RBFOX3: variants seen among roughly 807,000 people sequenced by gnomAD.
RBFOX3 encodes the protein RNA binding protein fox-1 homolog 3.
A neutral mutation model predicts 48.7 loss-of-function variants in RBFOX3; 17 were observed. The observed-to-expected ratio is 0.35, with a 90% CI of 0.24 to 0.52. RBFOX3 has a LOEUF of 0.52. RBFOX3 is among the 20% of genes least tolerant of loss of function. The pLI is 0.94. For missense variants in RBFOX3, 382 were observed against 497.5 expected (o/e 0.77, Z 2.21); for synonymous variants, 212 against 209.5 (o/e 1.01, Z -0.10).
intron 3 of RBFOX3, among the ~76,000 whole-genome samples, chr17:79,247,000 T>C (rs781443483): frequency 5.3e-5 from 8 of 152,202 alleles, no homozygotes; most frequent in Non-Finnish European, 1.0e-4. Flanking sequence ...AATTTAGACA[T>C]GTCCTTTCTC....
chr17:79,168,232 G>C (rs2048423848), intron 4 of RBFOX3, among the ~76,000 whole-genome samples: 1 of 152,192 alleles, frequency 6.6e-6, no homozygotes, highest in South Asian at 2.1e-4. Flanking sequence ...GCTTGCCATG[G>C]GTGGGTCCCC....
the RBFOX3 span, among the ~76,000 whole-genome samples, chr17:79,626,566 G>C: frequency 2.0e-5 from 3 of 152,152 alleles, no homozygotes; most frequent in Non-Finnish European, 4.4e-5. Context: ...CAGGATTCTC[G>C]ATATTCAGCT....
At chr17:79,130,984 C>G (rs1405178948) in intron 4 of RBFOX3, among the ~76,000 whole-genome samples, 2 of 152,042 alleles carry the variant, frequency 1.3e-5, no homozygotes, top group African/African-American at 4.8e-5. Flanking sequence ...TGCGTGTGCC[C>G]CATGTGTACT....
intron 4 of RBFOX3, 119 bp downstream of exon 4, chr17:79,235,647 C>T (rs1335168630): frequency 6.5e-6 from 1 of 153,608 alleles, no homozygotes; most frequent in Non-Finnish European, 1.5e-5. Context: ...ACTCTTCCTC[C>T]CTCCAGTGGC....
chr17:79,343,252 G>A (rs1301952689), intron 2 of RBFOX3, among the ~76,000 whole-genome samples: 3 of 152,100 alleles, frequency 2.0e-5, no homozygotes, highest in Non-Finnish European at 4.4e-5. Context: ...AGGGCCAGGC[G>A]AGGTAACTCA....
At position 79,569,246 on chromosome 17, in the gene RBFOX3, T is replaced by TC. The variant is rs1443365540; in HGVS notation, c.-320+41579dup. Among the ~76,000 whole-genome samples the TC allele has an allele frequency of 3.0e-4, 45 of 151,938 alleles. 1 individual carries two copies. In the Middle Eastern group the frequency reaches 0.017, roughly 57 times the overall value. On this transcript the variant is annotated intron_variant, in intron 1 of 14. Transcript: ENST00000693108. ...TTCCTATTAAACAATAGCTCCCCAC[T>TC]CCCCCCAAGCCCTGGCAACCACTCG...
chr17:79,557,454 T>C (rs2091865554), intron 1 of RBFOX3, among the ~76,000 whole-genome samples: 1 of 142,844 alleles, frequency 7.0e-6, no homozygotes, highest in East Asian at 2.3e-4. Context: ...CAAGCCCCCA[T>C]CCCACAGCTG....
At chr17:79,522,929 CAAAAAAAAAAAAAAA>C (rs34245309) in intron 1 of RBFOX3, among the ~76,000 whole-genome samples, 2 of 31,976 alleles carry the variant, frequency 6.3e-5, no homozygotes, top group Non-Finnish European at 1.7e-4. Flanking sequence ...GACTCCGTCT[CAAAAAAAAAAAAAAA>C]AAAAAAAAAA....
rs906040447 is a variant in RBFOX3 at position 79,363,685 on chromosome 17, G to A, written c.-174-55861C>T. Among the ~76,000 whole-genome samples, 8 of 151,826 alleles carry A rather than the reference G, an allele frequency of 5.3e-5. No homozygotes were observed. Among genetic ancestry groups the A allele is most frequent in the Non-Finnish European group, 8.8e-5 (6 of 67,966 alleles). On this transcript the variant is annotated intron_variant, in intron 2 of 14. Coordinates refer to ENST00000693108, the MANE Select transcript of RBFOX3 (RefSeq NM_001350451.2). This position sits in a 1 kb window ranked among gnomAD's most constrained non-coding sequence, Gnocchi z 4.7. ...ATGCCAGTATCCAGGCCACCAGCAG[G>A]TGTTTCAGGGACCTCCGACACGCCT...
intron 3 of RBFOX3, among the ~76,000 whole-genome samples, chr17:79,245,163 C>G (rs1219310448): frequency 6.6e-6 from 1 of 151,958 alleles, no homozygotes; most frequent in Non-Finnish European, 1.5e-5. Flanking sequence ...AACTCCGCCT[C>G]TCAGGCTCAA....
intron 4 of RBFOX3, among the ~76,000 whole-genome samples, chr17:79,183,744 AG>A (rs944350027): frequency 2.0e-5 from 3 of 152,054 alleles, no homozygotes; most frequent in Non-Finnish European, 4.4e-5. Context: ...TAGCGGTGGG[AG>A]GGGGAGTCCC....
chr17:79,153,073 C>A (rs1263475195), intron 4 of RBFOX3, among the ~76,000 whole-genome samples: 9 of 152,204 alleles, frequency 5.9e-5, no homozygotes, highest in African/African-American at 1.9e-4. Flanking sequence ...TTTCCTCTGT[C>A]CCCGTCCTGC....
At chr17:79,359,510 C>T (rs1270427488) in intron 2 of RBFOX3, among the ~76,000 whole-genome samples, 3 of 152,196 alleles carry the variant, frequency 2.0e-5, no homozygotes, top group African/African-American at 7.2e-5. Context: ...AGGAAGGGCA[C>T]GGCACCTGCC....
At chr17:79,149,269 G>C (rs1051923164) in intron 4 of RBFOX3, among the ~76,000 whole-genome samples, 1 of 152,214 alleles carries the variant, frequency 6.6e-6, no homozygotes, top group Admixed American at 6.5e-5. Context: ...TTAGTAGAGC[G>C]TGGGAGGCAG....
At chr17:79,377,416 T>G (rs1009224676) in intron 2 of RBFOX3, among the ~76,000 whole-genome samples, 1 of 151,914 alleles carries the variant, frequency 6.6e-6, no homozygotes, top group African/African-American at 2.4e-5. Flanking sequence ...CACACAGACA[T>G]GCACACCCAC....
intron 4 of RBFOX3, among the ~76,000 whole-genome samples, chr17:79,169,480 C>CACCCAGG (rs756862530): frequency 8.5e-4 from 129 of 152,316 alleles, no homozygotes; most frequent in Admixed American, 1.5e-3. Flanking sequence ...TCACACACCC[C>CACCCAGG]ACCCAGGACC....
rs1055052003 is a variant in RBFOX3 at position 79,274,452 on chromosome 17, T to C, written c.-74+33272A>G. ...AAACCAAGGTGTCGCAGCTCTTCTC[T>C]GCACTCAGGCGCGAGGGAACTCCTT... is the stretch of plus-strand genomic sequence containing the variant. On this transcript the variant is annotated intron_variant, in intron 3 of 14. Transcript: ENST00000693108. 1.1e-4 allele frequency among the ~76,000 whole-genome samples: 17 copies of C among 152,340 alleles called. No individual in the cohort carries two copies. The South Asian group carries it at 2.3e-3, about 20-fold the overall frequency.
chr17:79,237,354 A>C (rs895508748), intron 3 of RBFOX3, among the ~76,000 whole-genome samples: 2 of 152,318 alleles, frequency 1.3e-5, no homozygotes, highest in Non-Finnish European at 2.9e-5. Flanking sequence ...ACATTGCTTC[A>C]TTCAGCCCTC....
chr17:79,524,924 T>C (rs893629394), intron 1 of RBFOX3, among the ~76,000 whole-genome samples: 7 of 152,186 alleles, frequency 4.6e-5, no homozygotes, highest in Admixed American at 4.6e-4. Flanking sequence ...CAGGCCCTGT[T>C]TGGTTCTGTC....
Sources: allele counts gnomAD v4.1 joint callset (sites outside exome capture counted in the v4.1 genomes callset), GRCh38; gene constraint gnomAD v4.1.1; non-coding constraint Gnocchi (gnomAD v3.1); transcripts MANE v1.5; gene names NCBI Gene and HGNC (gene_info 2026-07-23, HGNC 2026-07-21).